The following RERE variants were observed in gnomAD, a reference collection of about 807,000 sequenced individuals.
RERE encodes arginine-glutamic acid dipeptide repeats, also known as arginine-glutamic acid dipeptide repeats protein.
Under a neutral mutation model 146.1 loss-of-function variants are expected in RERE, and 40 were observed. The observed-to-expected ratio is 0.27, with a 90% CI of 0.21 to 0.36. The LOEUF (loss-of-function observed/expected upper bound fraction) is 0.36. Ranked by LOEUF, RERE falls within the 10% of genes least tolerant of loss-of-function variation. RERE has a pLI of 1.00. For missense variants in RERE, 1,933 were observed against 2,138.7 expected (o/e 0.90, Z 1.90); for synonymous variants, 1,003 against 866.0 (o/e 1.16, Z -2.78).
chr1:8,556,291 T>C (rs1646005810), intron 6 of RERE, among the ~76,000 whole-genome samples, 184 bp downstream of exon 6: 1 of 150,894 alleles, frequency 6.6e-6, no homozygotes, highest in Non-Finnish European at 1.5e-5. Flanking sequence ...TAAAGCTAGA[T>C]TAGTGAAGAC....
At chr1:8,809,137 TAAAAAAA>T (rs58263107) in intron 1 of RERE, among the ~76,000 whole-genome samples, 7 of 95,072 alleles carry the variant, frequency 7.4e-5, no homozygotes, top group African/African-American at 9.1e-5. Flanking sequence ...GACTTTGTCT[TAAAAAAA>T]AAAAAAAAAA....
At chr1:8,392,962 G>A (rs962282551) in intron 12 of RERE, among the ~76,000 whole-genome samples, 7 of 152,050 alleles carry the variant, frequency 4.6e-5, no homozygotes, top group African/African-American at 9.7e-5. Flanking sequence ...ATGTAGAGAC[G>A]GTGGAAAATA....
chr1:8,429,109 C>T (rs933761511), intron 11 of RERE, among the ~76,000 whole-genome samples: 13 of 152,184 alleles, frequency 8.5e-5, no homozygotes, highest in Non-Finnish European at 1.8e-4. Context: ...AGCGCTATAA[C>T]GTGCCAGCCA....
intron 4 of RERE, among the ~76,000 whole-genome samples, chr1:8,564,832 ATGTGTGTG>A (rs567556868): frequency 5.0e-5 from 7 of 139,010 alleles, no homozygotes; most frequent in East Asian, 2.0e-4. Flanking sequence ...GTATATGTGT[ATGTGTGTG>A]TGTGTGTGTG....
At chr1:8,511,178 G>T (rs538285615) in intron 7 of RERE, among the ~76,000 whole-genome samples, 231 of 152,112 alleles carry the variant, frequency 1.5e-3, no homozygotes, top group Admixed American at 2.8e-3. Flanking sequence ...TATATCTCAC[G>T]TATTTCCATA....
At chr1:8,648,311 A>G (rs1375611054) in intron 2 of RERE, among the ~76,000 whole-genome samples, 2 of 152,296 alleles carry the variant, frequency 1.3e-5, no homozygotes, top group East Asian at 3.9e-4. Flanking sequence ...TGCTCACTGC[A>G]GCCTCAACCT....
chr1:8,516,467 A>AAGC (rs1645420193), intron 7 of RERE, among the ~76,000 whole-genome samples: 1 of 152,102 alleles, frequency 6.6e-6, no homozygotes. Context: ...CAGGCATTGC[A>AAGC]AGGTAAGCAA....
chr1:8,670,834 G>A (rs779907330), intron 1 of RERE, among the ~76,000 whole-genome samples: 1 of 152,188 alleles, frequency 6.6e-6, no homozygotes, highest in Non-Finnish European at 1.5e-5. Flanking sequence ...GTTTTGCATA[G>A]AGAAGTAACA....
At chr1:8,362,573 A>G (rs1641626285) in intron 16 of RERE, 110 bp downstream of exon 16, 1 of 1,393,984 alleles carries the variant, frequency 7.2e-7, no homozygotes, top group South Asian at 1.2e-5. Context: ...GACAGGCTCC[A>G]TGAATGAGCT....
chr1:8,736,557 A>T (rs776888986), intron 1 of RERE, among the ~76,000 whole-genome samples: 2 of 152,108 alleles, frequency 1.3e-5, no homozygotes, highest in Admixed American at 1.3e-4. Context: ...CTTCTCAATA[A>T]ATTGCTAATA....
chr1:8,478,733 C>G (rs1570306413), intron 10 of RERE, among the ~76,000 whole-genome samples: 1 of 152,236 alleles, frequency 6.6e-6, no homozygotes, highest in Middle Eastern at 3.4e-3. Flanking sequence ...CTGAGTTTAT[C>G]CCAGGCCAGC....
rs150260768 is a variant in RERE, at chr1:8,534,671, C to T, written c.830+6543G>A. Reference sequence around the variant, plus strand: ...TAAATAAAATAGGAGGCCATTATTCCGCTAAATAAATGAATAAATCGAAAG... The same window carrying T: ...TAAATAAAATAGGAGGCCATTATTCTGCTAAATAAATGAATAAATCGAAAG... On this transcript the variant is annotated intron_variant, in intron 7 of 22. Coordinates refer to ENST00000400908, the MANE Select transcript of RERE (RefSeq NM_001042681.2). 8.6e-5 allele frequency among the ~76,000 whole-genome samples: 13 copies of T among 151,862 alleles called. No individual in the cohort carries two copies. In the East Asian group the frequency reaches 2.3e-3, roughly 27 times the overall value.
intron 12 of RERE, 42 bp downstream of exon 12, chr1:8,422,683 CAA>C: frequency 7.1e-7 from 1 of 1,410,180 alleles, no homozygotes; most frequent in Non-Finnish European, 1.0e-6. Flanking sequence ...GCAGCAGGAG[CAA>C]AGAGGAAAAA....
Position 8,766,314 on chromosome 1 carries a change from C to A in RERE, c.-145+50846G>T, listed in dbSNP as rs143789620. Among the ~76,000 whole-genome samples, 634 of 152,098 alleles carry A rather than the reference C, an allele frequency of 4.2e-3. 5 individuals carry two copies. The highest frequency in any genetic ancestry group is 0.015 in the African/African-American group (603 of 41,492). ...CCCGCACTTGGGAGGCCAAGGCTGG[C>A]AGACCACTTGAGGTCGGGAGTTCAA... On this transcript the variant is annotated intron_variant, in intron 1 of 22. Transcript: ENST00000400908.
In RERE at chr1:8,694,456, A is replaced by G. The variant is rs193125162; in HGVS notation, c.-144-38015T>C. Among the ~76,000 whole-genome samples the G allele has an allele frequency of 2.0e-5, 3 of 152,244 alleles. No individual in the cohort carries two copies. The East Asian group carries it at 5.8e-4, about 29-fold the overall frequency. On this transcript the variant is annotated intron_variant, in intron 1 of 22. Transcript: ENST00000400908. The stretch of plus-strand genomic sequence containing the variant: ...ATCTCTGCAAAGAGAACTAAAACAC[A>G]CTGCTAGAAGAAATGACAGGTGGGC...
At chr1:8,370,965 T>A (rs1642014145) in intron 12 of RERE, among the ~76,000 whole-genome samples, 1 of 152,196 alleles carries the variant, frequency 6.6e-6, no homozygotes, top group Non-Finnish European at 1.5e-5. Flanking sequence ...TCGACATGAA[T>A]GGCCTATAAT....
rs1259561562 is a variant in RERE, at chr1:8,772,288, T to C, written c.-145+44872A>G. On this transcript the variant is annotated intron_variant, in intron 1 of 22. Coordinates refer to ENST00000400908, the MANE Select transcript of RERE (RefSeq NM_001042681.2). Reference sequence around the variant, plus strand: ...ACACTGGACTGAAACTTACTGCTACTTGAGATATTTGTTCCTGATATATAA... The same window carrying C: ...ACACTGGACTGAAACTTACTGCTACCTGAGATATTTGTTCCTGATATATAA... Among the ~76,000 whole-genome samples the C allele has an allele frequency of 2.0e-5, 3 of 152,144 alleles. No homozygotes were observed. The East Asian group carries it at 5.8e-4, about 29-fold the overall frequency.
At chr1:8,416,000 A>G (rs552954453) in intron 12 of RERE, among the ~76,000 whole-genome samples, 22 of 152,342 alleles carry the variant, frequency 1.4e-4, no homozygotes, top group African/African-American at 5.3e-4. Context: ...AGCCCCTCAA[A>G]TAACTTATAT....
At chr1:8,549,184 G>A (rs1403158033) in intron 6 of RERE, among the ~76,000 whole-genome samples, 3 of 152,024 alleles carry the variant, frequency 2.0e-5, no homozygotes, top group Non-Finnish European at 4.4e-5. Context: ...TCTAAACACT[G>A]CTCTCCACTA....
Sources: allele counts gnomAD v4.1 joint callset (sites outside exome capture counted in the v4.1 genomes callset), GRCh38; gene constraint gnomAD v4.1.1; transcripts MANE v1.5; gene names NCBI Gene and HGNC (gene_info 2026-07-23, HGNC 2026-07-21).